Variants in CADPS2 observed in about 807,000 individuals in gnomAD.
CADPS2 encodes the protein calcium-dependent secretion activator 2.
Under a neutral mutation model 172.5 loss-of-function variants are expected in CADPS2, and 93 were observed. The observed-to-expected ratio is 0.54, with a 90% confidence interval of 0.46 to 0.64. The LOEUF (loss-of-function observed/expected upper bound fraction) is 0.64. Ranked by LOEUF, CADPS2 falls within the 30% of genes least tolerant of loss-of-function variation. The probability of loss-of-function intolerance (pLI) is 0.00; values close to 1 mark genes in which losing one functional copy is unlikely to be tolerated. For missense variants in CADPS2, 1,420 were observed against 1,565.9 expected, an observed-to-expected ratio of 0.91 and a Z score of 1.57; for synonymous variants, 546 against 555.2, an observed-to-expected ratio of 0.98 and a Z score of 0.23.
At chr7:122,343,392 G>A (rs1405387211) in intron 28 of CADPS2, among the ~76,000 whole-genome samples, 1 of 152,092 alleles carries the variant, frequency 6.6e-6, no homozygotes, top group East Asian at 1.9e-4. Flanking sequence ...ATATAACCAA[G>A]GCAATTAAAC....
intron 1 of CADPS2, among the ~76,000 whole-genome samples, chr7:122,768,759 C>CT (rs1170881082): frequency 1.3e-5 from 2 of 152,084 alleles, no homozygotes; most frequent in Non-Finnish European, 2.9e-5. Context: ...AATATTTTCT[C>CT]TTTTATGTCT....
At chr7:122,729,476 T>C (rs2091432025) in intron 2 of CADPS2, among the ~76,000 whole-genome samples, 1 of 151,806 alleles carries the variant, frequency 6.6e-6, no homozygotes, top group Admixed American at 6.6e-5. Context: ...CTAGTTTACA[T>C]TCCCACCAAC....
At chr7:122,711,987 T>C (rs2136734034) in intron 2 of CADPS2, among the ~76,000 whole-genome samples, 1 of 152,210 alleles carries the variant, frequency 6.6e-6, no homozygotes, top group East Asian at 1.9e-4. Context: ...TATTTTGCAG[T>C]TAAAACAGTA....
chr7:122,393,341 A>C, intron 21 of CADPS2, 26 bp from the exon 22 acceptor site: 1 of 1,613,808 alleles, frequency 6.2e-7, no homozygotes, highest in Non-Finnish European at 8.5e-7. Context: ...CAACGTGGGA[A>C]GGGACCACCA....
chr7:122,843,837 G>A (rs936335694), intron 1 of CADPS2, among the ~76,000 whole-genome samples: 5 of 152,176 alleles, frequency 3.3e-5, no homozygotes, highest in Admixed American at 2.0e-4. Context: ...GGCAGGCAAG[G>A]GTCAACAGGA....
intron 1 of CADPS2, among the ~76,000 whole-genome samples, chr7:122,862,861 G>A (rs1041385363): frequency 2.8e-4 from 43 of 152,048 alleles, no homozygotes; most frequent in African/African-American, 1.0e-3. Context: ...GAAATAACGT[G>A]TATTTCAGTA....
At chr7:122,701,095 T>C (rs6466832) in intron 2 of CADPS2, among the ~76,000 whole-genome samples, 101,928 of 151,936 alleles carry the variant, frequency 0.67, 34,968 homozygotes, top group Middle Eastern at 0.84. Context: ...AAAAGGAAAC[T>C]TTAAAATAGC....
intron 9 of CADPS2, among the ~76,000 whole-genome samples, chr7:122,502,015 T>C (rs1056799490): frequency 2.0e-5 from 3 of 152,058 alleles, no homozygotes; most frequent in Non-Finnish European, 2.9e-5. Context: ...AACAACTGTA[T>C]TCCCGAATAG....
At chr7:122,683,753 A>AC (rs2083323682) in intron 2 of CADPS2, among the ~76,000 whole-genome samples, 1 of 151,234 alleles carries the variant, frequency 6.6e-6, no homozygotes. Flanking sequence ...AAGAAAAAAA[A>AC]AACAAACAGA....
intron 3 of CADPS2, among the ~76,000 whole-genome samples, chr7:122,634,147 G>C (rs1221255756): frequency 6.6e-6 from 1 of 152,054 alleles, no homozygotes; most frequent in Non-Finnish European, 1.5e-5. Flanking sequence ...ATTTCATTGT[G>C]TCTCTTCCAG....
At chr7:122,818,469 T>G (rs1802161724) in intron 1 of CADPS2, among the ~76,000 whole-genome samples, 1 of 152,130 alleles carries the variant, frequency 6.6e-6, no homozygotes, top group South Asian at 2.1e-4. Flanking sequence ...CTGTGCCCAG[T>G]GCAACTCGTC....
chr7:122,863,860 T>A (rs777825880), intron 1 of CADPS2, among the ~76,000 whole-genome samples: 1 of 152,114 alleles, frequency 6.6e-6, no homozygotes, highest in Non-Finnish European at 1.5e-5. Context: ...CAAAACCCCA[T>A]CTCTACTAAA....
chr7:122,414,179 T>TA, intron 18 of CADPS2, 103 bp from the exon 19 acceptor site: 1 of 733,472 alleles, frequency 1.4e-6, no homozygotes, highest in Non-Finnish European at 2.1e-6. Flanking sequence ...TATATTTCAG[T>TA]ATATCGTATA....
At chr7:122,373,466 G>A (rs1001712539) in intron 25 of CADPS2, among the ~76,000 whole-genome samples, 2 of 152,084 alleles carry the variant, frequency 1.3e-5, no homozygotes, top group African/African-American at 4.8e-5. Context: ...TTTTCTTAAT[G>A]AAATAAAACC....
At chr7:122,580,087 A>G (rs1051160405) in intron 7 of CADPS2, among the ~76,000 whole-genome samples, 1 of 152,160 alleles carries the variant, frequency 6.6e-6, no homozygotes, top group African/African-American at 2.4e-5. Flanking sequence ...GAAATTTTCA[A>G]GTAAGATTTC....
chr7:122,323,411 T>C (rs1020242571), intron 29 of CADPS2, among the ~76,000 whole-genome samples: 1 of 152,166 alleles, frequency 6.6e-6, no homozygotes, highest in Non-Finnish European at 1.5e-5. Flanking sequence ...AATGTCACTA[T>C]ATAATTAATA....
chr7:122,420,674 T>C (rs1432356676), intron 17 of CADPS2, among the ~76,000 whole-genome samples: 1 of 152,254 alleles, frequency 6.6e-6, no homozygotes, highest in Non-Finnish European at 1.5e-5. Context: ...CAGATGGCTC[T>C]ACATCCTTCA....
At chr7:122,821,989 C>G (rs1803438948) in intron 1 of CADPS2, among the ~76,000 whole-genome samples, 1 of 152,058 alleles carries the variant, frequency 6.6e-6, no homozygotes, top group Non-Finnish European at 1.5e-5. Context: ...CTTGTCATCC[C>G]TACTATCTTC....
intron 2 of CADPS2, among the ~76,000 whole-genome samples, chr7:122,724,689 G>C (rs1414520730): frequency 2.0e-5 from 3 of 152,020 alleles, no homozygotes; most frequent in African/African-American, 7.2e-5. Flanking sequence ...CAGTCACACA[G>C]ATCTGGAAGT....
Sources: allele counts gnomAD v4.1 joint callset (sites outside exome capture counted in the v4.1 genomes callset), GRCh38; gene constraint gnomAD v4.1.1; transcripts MANE v1.5; gene names NCBI Gene and HGNC (gene_info 2026-07-23, HGNC 2026-07-21).